SUCLG2: variants seen among roughly 807,000 people sequenced by gnomAD.
SUCLG2 encodes the protein succinate-CoA ligase GDP-forming subunit beta.
In SUCLG2, 42 loss-of-function variants were observed where a neutral mutation model predicts 47.9. The ratio of observed to expected loss-of-function variants is 0.88; its 90% CI spans 0.69 to 1.14. The LOEUF is 1.14. Ranked by LOEUF, SUCLG2 falls within the 50% of genes most tolerant of loss-of-function variation. The pLI is 0.00. For synonymous variants in SUCLG2, 195 were observed against 197.3 expected, an observed-to-expected ratio of 0.99 and a Z score of 0.10; for missense variants, 571 against 525.9, an observed-to-expected ratio of 1.09 and a Z score of -0.84.
intron 1 of SUCLG2, among the ~76,000 whole-genome samples, chr3:67,641,895 A>T (rs1701107683): frequency 6.6e-6 from 1 of 152,164 alleles, no homozygotes; most frequent in Non-Finnish European, 1.5e-5. Flanking sequence ...TTCACAGGCA[A>T]TCTTTGGTGT....
chr3:67,510,258 G>A (rs895156877), intron 6 of SUCLG2, among the ~76,000 whole-genome samples: 2 of 152,140 alleles, frequency 1.3e-5, no homozygotes, highest in Non-Finnish European at 2.9e-5. Flanking sequence ...TTTGACTGAA[G>A]AACTCCAGAT....
At chr3:67,374,331 T>C (rs146175897), downstream of SUCLG2, among the ~76,000 whole-genome samples, 555 of 152,306 alleles carry the variant, frequency 3.6e-3, 5 homozygotes, top group African/African-American at 0.013. Flanking sequence ...CAAAGTAAGC[T>C]GGTAAAAAAA....
At chr3:67,400,208 T>G (rs1425072949) in intron 10 of SUCLG2, among the ~76,000 whole-genome samples, 1 of 151,872 alleles carries the variant, frequency 6.6e-6, no homozygotes, top group Non-Finnish European at 1.5e-5. Flanking sequence ...TACTAAAAAT[T>G]TTTTAAAATA....
intron 9 of SUCLG2, among the ~76,000 whole-genome samples, chr3:67,487,977 C>G (rs1705101206): frequency 6.6e-6 from 1 of 151,854 alleles, no homozygotes. Context: ...CAAGTAAATA[C>G]CATTCCGCCA....
At chr3:67,635,330 G>A (rs1031073281) in intron 1 of SUCLG2, among the ~76,000 whole-genome samples, 3 of 152,146 alleles carry the variant, frequency 2.0e-5, no homozygotes, top group African/African-American at 7.2e-5. Context: ...CCCAACAACT[G>A]TGAACTAAGC....
intron 1 of SUCLG2, among the ~76,000 whole-genome samples, chr3:67,629,832 C>T (rs1575829514): frequency 1.3e-5 from 2 of 152,230 alleles, no homozygotes; most frequent in Middle Eastern, 3.4e-3. Flanking sequence ...AAAAGAAGCT[C>T]CTACCACTCA....
chr3:67,612,365 C>A (rs2044785), intron 1 of SUCLG2, among the ~76,000 whole-genome samples: 71,488 of 147,456 alleles, frequency 0.48, 18,202 homozygotes, highest in African/African-American at 0.64. Context: ...TCTCAAAAAA[C>A]AAAAAAAAAT....
At chr3:67,423,098 G>A (rs1054940522) in intron 9 of SUCLG2, among the ~76,000 whole-genome samples, 3 of 152,176 alleles carry the variant, frequency 2.0e-5, no homozygotes, top group Non-Finnish European at 2.9e-5. Flanking sequence ...ATCTCACCTT[G>A]CACTGTAATA....
intron 9 of SUCLG2, among the ~76,000 whole-genome samples, chr3:67,469,945 T>TGAGGCA: frequency 6.6e-6 from 1 of 150,566 alleles, no homozygotes; most frequent in East Asian, 2.0e-4. Context: ...CTCAGGAGGC[T>TGAGGCA]GAGGCAGGGG....
In SUCLG2 at chr3:67,609,523, C is replaced by T; in HGVS notation, c.158G>A (p.Gly53Glu). Residue 53 changes from glycine (G) to glutamate (E), a missense_variant, in exon 2 of 11, where the codon GGA (glycine) becomes GAA (glutamate). Transcript: ENST00000307227. ...YQSKKLMSDN[G>E]VRVQRFFVAD... Reference sequence around the variant, plus strand: ...TACAAAGAATCTTTGAACTCTCACTCCGTTGTCAGACATCAGTTTCTTGCT... The same window carrying T: ...TACAAAGAATCTTTGAACTCTCACTTCGTTGTCAGACATCAGTTTCTTGCT... 1 of 1,613,886 alleles carries T rather than the reference C, an allele frequency of 6.2e-7. No individual in the cohort carries two copies. Among genetic ancestry groups the T allele is most frequent in the South Asian group, 1.1e-5 (1 of 91,068 alleles).
intron 1 of SUCLG2, among the ~76,000 whole-genome samples, chr3:67,614,914 T>C (rs932479002): frequency 6.6e-6 from 1 of 152,156 alleles, no homozygotes; most frequent in African/African-American, 2.4e-5. Flanking sequence ...GTGACCGTGA[T>C]AGGAACAGCA....
chr3:67,413,855 A>C (rs568617439), intron 9 of SUCLG2, among the ~76,000 whole-genome samples: 1 of 152,276 alleles, frequency 6.6e-6, no homozygotes, highest in South Asian at 2.1e-4. Context: ...GTCTGGACAA[A>C]TGTCCCTGTT....
At chr3:67,619,300 C>T (rs2107330477) in intron 1 of SUCLG2, among the ~76,000 whole-genome samples, 1 of 152,310 alleles carries the variant, frequency 6.6e-6, no homozygotes. Flanking sequence ...CCAGCAGAAG[C>T]TCATTTTACA....
At position 67,367,948 on chromosome 3, in the gene SUCLG2, A is replaced by G. The variant is rs559022207; in HGVS notation, c.1184-7180T>C. 1.7e-4 allele frequency among the ~76,000 whole-genome samples: 26 copies of G among 152,312 alleles called. No individual in the cohort carries two copies. The East Asian group carries it at 4.6e-3, about 27-fold the overall frequency. On this transcript the variant is annotated intron_variant, in intron 10 of 10. Coordinates refer to the SUCLG2 transcript ENST00000493112. ...TTATTACTTCTCTTTTGCAGCATAT[A>G]TTATGAACATTCTTTCACAAAAACG... is the stretch of plus-strand genomic sequence containing the variant.
At chr3:67,495,751 G>A in intron 9 of SUCLG2, 47 bp downstream of exon 9, 1 of 1,608,618 alleles carries the variant, frequency 6.2e-7, no homozygotes, top group Non-Finnish European at 8.5e-7. Flanking sequence ...TCTTGACGGT[G>A]AGAAATTAAA....
chr3:67,539,468 T>A (rs1706641090), intron 2 of SUCLG2, among the ~76,000 whole-genome samples: 1 of 152,192 alleles, frequency 6.6e-6, no homozygotes, highest in South Asian at 2.1e-4. Flanking sequence ...TGCCAGTATT[T>A]TATTGAGGAT....
chr3:67,454,012 A>G (rs1704122055), intron 9 of SUCLG2, among the ~76,000 whole-genome samples: 1 of 152,212 alleles, frequency 6.6e-6, no homozygotes. Flanking sequence ...GTTCTTACAT[A>G]AAACTTTTCA....
At position 67,549,089 on chromosome 3, in the gene SUCLG2, C is replaced by G. The variant is rs894162388; in HGVS notation, c.227-19903G>C. ...TTTTATAGTAATGATGTTGTGTAAGCTCAGTGGAAATTATCAAAAATAGCT... is the reference window on the plus strand; with the variant it reads ...TTTTATAGTAATGATGTTGTGTAAGGTCAGTGGAAATTATCAAAAATAGCT... On this transcript the variant is annotated intron_variant, in intron 2 of 10. Coordinates refer to ENST00000307227, the MANE Select transcript of SUCLG2 (RefSeq NM_003848.4). 5.3e-5 allele frequency among the ~76,000 whole-genome samples: 8 copies of G among 152,172 alleles called. No individual in the cohort carries two copies. The South Asian group carries it at 1.0e-3, about 20-fold the overall frequency.
intron 2 of SUCLG2, among the ~76,000 whole-genome samples, chr3:67,578,463 T>C (rs1302908128): frequency 6.6e-6 from 1 of 152,066 alleles, no homozygotes; most frequent in Non-Finnish European, 1.5e-5. Flanking sequence ...TAGATTGACT[T>C]ACCTAGAAAG....
Sources: allele counts gnomAD v4.1 joint callset (sites outside exome capture counted in the v4.1 genomes callset), GRCh38; gene constraint gnomAD v4.1.1; transcripts MANE v1.5; gene names NCBI Gene and HGNC (gene_info 2026-07-23, HGNC 2026-07-21).